KLF8: variants seen among roughly 807,000 people sequenced by gnomAD.
KLF8 encodes KLF transcription factor 8, also known as Krueppel-like factor 8.
Under a neutral mutation model 18.2 loss-of-function variants are expected in KLF8, and 10 were observed. The observed-to-expected ratio is 0.55, with a 90% confidence interval of 0.34 to 0.93. The LOEUF (loss-of-function observed/expected upper bound fraction) is 0.93. KLF8 is among the 40% of genes least tolerant of loss of function. The probability of loss-of-function intolerance (pLI) is 0.02; values close to 1 mark genes in which losing one functional copy is unlikely to be tolerated. For missense variants in KLF8, 264 were observed against 277.9 expected (o/e 0.95, Z 0.36); for synonymous variants, 109 against 97.3 (o/e 1.12, Z -0.71).
At chrX:56,042,368 T>C in the KLF8 span, among the ~76,000 whole-genome samples, 1 of 110,493 alleles carries the variant, frequency 9.1e-6, no homozygotes. Flanking sequence ...GGGTGGAGAG[T>C]TCTGTAGCAG....
the KLF8 span, among the ~76,000 whole-genome samples, chrX:56,142,327 T>C: frequency 9.0e-6 from 1 of 111,554 alleles, no homozygotes; most frequent in Non-Finnish European, 1.9e-5. Context: ...TCATTCATTT[T>C]CTTGGAAACA....
At chrX:56,224,970 G>A in the KLF8 span, among the ~76,000 whole-genome samples, 1 of 110,796 alleles carries the variant, frequency 9.0e-6, no homozygotes, top group South Asian at 3.9e-4. Flanking sequence ...TGGGTAAAAA[G>A]GGGTGAACTC....
chrX:56,190,673 T>A, the KLF8 span, among the ~76,000 whole-genome samples: 2 of 111,385 alleles, frequency 1.8e-5, no homozygotes, highest in African/African-American at 6.5e-5. Context: ...TAAGAATAAT[T>A]TTGGAAACTA....
chrX:56,002,261 A>C, the KLF8 span, among the ~76,000 whole-genome samples: 1 of 111,130 alleles, frequency 9.0e-6, no homozygotes, highest in Non-Finnish European at 1.9e-5. Flanking sequence ...ACCCCTGCAC[A>C]CCTATTCTTT....
the KLF8 span, among the ~76,000 whole-genome samples, chrX:56,086,321 A>G: frequency 9.0e-6 from 1 of 110,587 alleles, no homozygotes; most frequent in African/African-American, 3.3e-5. Flanking sequence ...GGCCTTAGTG[A>G]CTCCACCTCC....
At chrX:56,021,494 G>A in the KLF8 span, among the ~76,000 whole-genome samples, 13 of 110,986 alleles carry the variant, frequency 1.2e-4, no homozygotes, top group Non-Finnish European at 3.8e-5. Flanking sequence ...TATATATAAA[G>A]GGGTAGAATT....
At chrX:55,908,348 G>C in the KLF8 span, 1 of 286,267 alleles carries the variant, frequency 3.5e-6, no homozygotes, top group Non-Finnish European at 6.1e-6. Context: ...GCCTAAGTGG[G>C]ACGAACAACC....
the KLF8 span, among the ~76,000 whole-genome samples, chrX:56,211,497 G>A: frequency 8.9e-6 from 1 of 111,899 alleles, no homozygotes; most frequent in African/African-American, 3.3e-5. Context: ...TACAGCACTG[G>A]GTCTTGCCCA....
At chrX:56,264,342 T>C (rs994592380) in intron 2 of KLF8, among the ~76,000 whole-genome samples, 3 of 110,769 alleles carry the variant, frequency 2.7e-5, no homozygotes, top group Admixed American at 9.6e-5. Context: ...TTTAAACTAA[T>C]GTATTTATTG....
At chrX:56,041,667 T>TTTGTTGTTGTTGTTG in the KLF8 span, among the ~76,000 whole-genome samples, 95 of 96,447 alleles carry the variant, frequency 9.8e-4, 2 homozygotes, top group African/African-American at 3.6e-3. Flanking sequence ...TCTCTCTAGT[T>TTTGTTGTTGTTGTTG]TTGTTGTTGT....
the KLF8 span, among the ~76,000 whole-genome samples, chrX:55,939,272 A>C: frequency 1.8e-5 from 2 of 111,991 alleles, no homozygotes; most frequent in Non-Finnish European, 3.8e-5. Flanking sequence ...CTCCTGAATA[A>C]CTACTGGGTA....
At chrX:55,962,021 G>C in the KLF8 span, 3 of 160,335 alleles carry the variant, frequency 1.9e-5, no homozygotes, top group African/African-American at 6.3e-5. Flanking sequence ...CCAATCATAA[G>C]CCAAGAACAT....
the KLF8 span, among the ~76,000 whole-genome samples, chrX:56,005,777 T>C: frequency 1.3e-4 from 15 of 111,987 alleles, no homozygotes; most frequent in East Asian, 2.5e-3. Context: ...CTGTGGGTGA[T>C]AGCATGCTGG....
the KLF8 span, among the ~76,000 whole-genome samples, chrX:56,216,942 G>A: frequency 9.0e-6 from 1 of 111,136 alleles, no homozygotes; most frequent in South Asian, 3.8e-4. Context: ...CCTCAGGTAA[G>A]CCTTCCTTGA....
At chrX:56,208,834 A>G in the KLF8 span, among the ~76,000 whole-genome samples, 1 of 112,190 alleles carries the variant, frequency 8.9e-6, no homozygotes, top group Admixed American at 9.5e-5. Context: ...ACTTGATATT[A>G]TTTTAATTTT....
At chrX:56,057,416 G>A in the KLF8 span, among the ~76,000 whole-genome samples, 1 of 111,428 alleles carries the variant, frequency 9.0e-6, no homozygotes, top group Non-Finnish European at 1.9e-5. Flanking sequence ...GACAAACCAA[G>A]GAAAGCAAAC....
chrX:56,066,513 G>C, the KLF8 span, among the ~76,000 whole-genome samples: 1 of 112,007 alleles, frequency 8.9e-6, no homozygotes, highest in Admixed American at 9.4e-5. Context: ...GCAGCACTAG[G>C]CATGCAGCTG....
At position 56,233,333 on chromosome X, in the gene KLF8, A is replaced by T. The variant is rs139378581; in HGVS notation, c.-2A>T. ...ACACTTCAGGAGTCCTCAGCTAGTG[A>T]CATGGTCGGTAAGTGACTCTGGGAC... On this transcript the variant is annotated 5_prime_UTR_variant, in exon 1 of 6. Coordinates refer to ENST00000468660, the MANE Select transcript of KLF8 (RefSeq NM_007250.5). 1.8e-5 allele frequency: 22 copies of T among 1,192,688 alleles called. No homozygotes were observed. The African/African-American group carries it at 3.7e-4, about 20-fold the overall frequency.
chrX:56,042,725 G>A, the KLF8 span, among the ~76,000 whole-genome samples: 4 of 111,559 alleles, frequency 3.6e-5, no homozygotes, highest in African/African-American at 1.3e-4. Context: ...TTGAGCCTAT[G>A]TGTGTGTTTT....
Sources: allele counts gnomAD v4.1 joint callset (sites outside exome capture counted in the v4.1 genomes callset), GRCh38; gene constraint gnomAD v4.1.1; transcripts MANE v1.5; gene names NCBI Gene and HGNC (gene_info 2026-07-23, HGNC 2026-07-21).